The following KCNB2 variants were observed in gnomAD, a reference collection of about 807,000 sequenced individuals.
KCNB2 encodes delayed rectifier potassium channel protein.
A neutral mutation model predicts 61.5 loss-of-function variants in KCNB2; 15 were observed. That is an observed-to-expected ratio of 0.24 (90% CI 0.16 to 0.38). KCNB2 has a LOEUF of 0.38. Ranked by LOEUF, KCNB2 falls within the 10% of genes least tolerant of loss-of-function variation. KCNB2 has a pLI of 1.00. For synonymous variants in KCNB2, 457 were observed against 446.0 expected, an observed-to-expected ratio of 1.02 and a Z score of -0.31; for missense variants, 828 against 1,125.2, an observed-to-expected ratio of 0.74 and a Z score of 3.78.
At chr8:72,851,845 A>AAAAAAAAAAAAAAAAAAAAC (rs1563404693) in intron 2 of KCNB2, among the ~76,000 whole-genome samples, 6 of 148,030 alleles carry the variant, frequency 4.1e-5, no homozygotes, top group African/African-American at 1.5e-4. Context: ...AAAAAAAAAA[A>AAAAAAAAAAAAAAAAAAAAC]AAACACGTAC....
At chr8:72,618,732 A>AT (rs1805660067) in intron 2 of KCNB2, 1 of 168,228 alleles carries the variant, frequency 5.9e-6, no homozygotes, top group African/African-American at 2.4e-5. Context: ...TCACGGTTCC[A>AT]TTTTGTCTAC....
intron 2 of KCNB2, among the ~76,000 whole-genome samples, chr8:72,861,550 A>G (rs1273125364): frequency 6.6e-6 from 1 of 152,150 alleles, no homozygotes; most frequent in African/African-American, 2.4e-5. Context: ...GCTGTTGAGT[A>G]CCAAGGCTTC....
rs551277586 is a variant in KCNB2, at chr8:72,675,872, T to G, written c.579+107559T>G. On this transcript the variant is annotated intron_variant, in intron 2 of 2. Coordinates refer to ENST00000523207, the MANE Select transcript of KCNB2 (RefSeq NM_004770.3). ...TGGCCTGCAGTCTGATTTTTGTTTA[T>G]GGAATGAGATCATTCTATCAGATGT... Among the ~76,000 whole-genome samples, 5 of 152,250 alleles carry G rather than the reference T, an allele frequency of 3.3e-5. No homozygotes were observed. The South Asian group carries it at 1.0e-3, about 32-fold the overall frequency.
In KCNB2 at chr8:72,726,866, G is replaced by A. The variant is rs144266919; in HGVS notation, c.579+158553G>A. 4.7e-4 allele frequency among the ~76,000 whole-genome samples: 71 copies of A among 152,152 alleles called. 1 individual carries two copies. Among genetic ancestry groups the A allele is most frequent in the African/African-American group, 1.6e-3 (67 of 41,478 alleles). The stretch of plus-strand genomic sequence containing the variant: ...GGTACCTTCAGGAGGTACCTTCTCA[G>A]ACCCAGGAGTCTTGCTGCATGAGAA... On this transcript the variant is annotated intron_variant, in intron 2 of 2. Coordinates refer to ENST00000523207, the MANE Select transcript of KCNB2 (RefSeq NM_004770.3).
chr8:72,762,572 C>A, intron 2 of KCNB2, among the ~76,000 whole-genome samples: 1 of 151,992 alleles, frequency 6.6e-6, no homozygotes, highest in Non-Finnish European at 1.5e-5. Flanking sequence ...CCACCTTGGG[C>A]CTTACTCTAT....
At chr8:72,667,187 T>C (rs1187439833) in intron 2 of KCNB2, among the ~76,000 whole-genome samples, 1 of 152,200 alleles carries the variant, frequency 6.6e-6, no homozygotes, top group African/African-American at 2.4e-5. Context: ...GGTTAGCTCA[T>C]GGAAAGCAGA....
intron 2 of KCNB2, among the ~76,000 whole-genome samples, chr8:72,882,556 A>AGAGAGAGAG (rs10691208): frequency 1.6e-4 from 23 of 142,784 alleles, no homozygotes; most frequent in Middle Eastern, 3.8e-3. Flanking sequence ...AGAGAGAGAG[A>AGAGAGAGAG]ATGTGTGTCT....
chr8:72,662,935 A>T lies in KCNB2; in HGVS notation c.579+94622A>T, dbSNP rs1251925790. On this transcript the variant is annotated intron_variant, in intron 2 of 2. Coordinates refer to ENST00000523207, the MANE Select transcript of KCNB2 (RefSeq NM_004770.3). The stretch of plus-strand genomic sequence containing the variant: ...AATATGGTGAAATGTTTGATGACAT[A>T]GAAGTCTTCAGAAAACTGATGATCA... Among the ~76,000 whole-genome samples the T allele has an allele frequency of 2.0e-5, 3 of 150,608 alleles. No individual in the cohort carries two copies. In the East Asian group the frequency reaches 5.8e-4, roughly 29 times the overall value.
chr8:72,687,233 T>C (rs1417264314), intron 2 of KCNB2, among the ~76,000 whole-genome samples: 1 of 152,188 alleles, frequency 6.6e-6, no homozygotes, highest in Non-Finnish European at 1.5e-5. Flanking sequence ...AGTTAATCAA[T>C]ACAGTGTTTT....
intron 2 of KCNB2, among the ~76,000 whole-genome samples, chr8:72,834,032 C>G (rs1243168300): frequency 6.6e-6 from 1 of 152,120 alleles, no homozygotes; most frequent in African/African-American, 2.4e-5. Context: ...TTTTTCTTCC[C>G]ACAGGATTTT....
chr8:72,728,362 G>T (rs867238084), intron 2 of KCNB2, among the ~76,000 whole-genome samples: 2 of 152,224 alleles, frequency 1.3e-5, no homozygotes, highest in Admixed American at 1.3e-4. Flanking sequence ...GTCATACACG[G>T]CATTCCATCC....
At chr8:72,734,642 A>C (rs1807807810) in intron 2 of KCNB2, among the ~76,000 whole-genome samples, 1 of 152,152 alleles carries the variant, frequency 6.6e-6, no homozygotes, top group Non-Finnish European at 1.5e-5. Flanking sequence ...AAGAAAGCTG[A>C]ATGAGGCTCA....
At chr8:72,874,161 C>T (rs1389635827) in intron 2 of KCNB2, among the ~76,000 whole-genome samples, 1 of 152,190 alleles carries the variant, frequency 6.6e-6, no homozygotes, top group African/African-American at 2.4e-5. Flanking sequence ...TACTTTAACT[C>T]ATTTTTCTTA....
Position 72,760,256 on chromosome 8 carries a change from T to G in KCNB2, c.580-175679T>G, listed in dbSNP as rs369746009. ...TGACCTCTCTGAGCTTCCATTCTCT[T>G]AACTTGGAAGTGAGGACAATAATAA... On this transcript the variant is annotated intron_variant, in intron 2 of 2. Transcript: ENST00000523207. Among the ~76,000 whole-genome samples the G allele has an allele frequency of 1.3e-3, 201 of 152,338 alleles. 2 individuals are homozygous for G. Among genetic ancestry groups the G allele is most frequent in the African/African-American group, 4.7e-3 (195 of 41,578 alleles).
At chr8:72,920,459 ATC>A (rs1401607243) in intron 2 of KCNB2, among the ~76,000 whole-genome samples, 11 of 77,970 alleles carry the variant, frequency 1.4e-4, no homozygotes, top group South Asian at 3.9e-4. Context: ...CTATCTATCT[ATC>A]TATCTATCTA....
chr8:72,674,379 GT>G (rs1382151995), intron 2 of KCNB2, among the ~76,000 whole-genome samples: 1 of 152,200 alleles, frequency 6.6e-6, no homozygotes. Context: ...AAAGTTGTAA[GT>G]TTATTTAAAG....
chr8:72,728,196 C>T (rs918145236), intron 2 of KCNB2, among the ~76,000 whole-genome samples: 5 of 152,126 alleles, frequency 3.3e-5, no homozygotes, highest in African/African-American at 1.2e-4. Context: ...GACATTTCTG[C>T]TCAGTTTTTA....
At chr8:72,666,631 C>T (rs1020524214) in intron 2 of KCNB2, among the ~76,000 whole-genome samples, 4 of 148,056 alleles carry the variant, frequency 2.7e-5, no homozygotes, top group Admixed American at 6.9e-5. Context: ...TCTTCAGTGA[C>T]CTTCAAATAA....
intron 2 of KCNB2, among the ~76,000 whole-genome samples, chr8:72,914,706 T>C (rs991512339): frequency 6.6e-6 from 1 of 152,196 alleles, no homozygotes; most frequent in South Asian, 2.1e-4. Context: ...ACATTGGTGT[T>C]GAGAATTCAG....
Sources: allele counts gnomAD v4.1 joint callset (sites outside exome capture counted in the v4.1 genomes callset), GRCh38; gene constraint gnomAD v4.1.1; transcripts MANE v1.5; gene names NCBI Gene and HGNC (gene_info 2026-07-23, HGNC 2026-07-21).